The following GDF2 variants were observed in gnomAD, a reference collection of about 807,000 sequenced individuals.
The protein encoded by GDF2 is growth/differentiation factor 2.
In GDF2, 17 loss-of-function variants were observed where a neutral mutation model predicts 16.9. The observed-to-expected ratio is 1.00, with a 90% CI of 0.69 to 1.51. The LOEUF is 1.51. GDF2 is among the 40% of genes most tolerant of loss of function. The pLI is 0.00. For synonymous variants in GDF2, 276 were observed against 237.6 expected (o/e 1.16, Z -1.49); for missense variants, 523 against 556.3 (o/e 0.94, Z 0.60).
In GDF2 at chr10:47,322,619, A is replaced by T. The variant is rs1173110381; in HGVS notation, c.-50A>T. 2 of 1,364,394 alleles carry T rather than the reference A, an allele frequency of 1.5e-6. No homozygotes were observed. The highest frequency in any genetic ancestry group is 1.5e-5 in the South Asian group (1 of 65,264). 84.5% of individuals were successfully genotyped at this position (1,364,394 alleles called of 1,614,324 possible). On this transcript the variant is annotated 5_prime_UTR_variant, in exon 1 of 2. Coordinates refer to ENST00000581492, the MANE Select transcript of GDF2 (RefSeq NM_016204.4). The stretch of plus-strand genomic sequence containing the variant: ...CCAGCTCCTCCCCGTGCCCGCTAAC[A>T]CAGCACGGCCGCCTGCAGTCTCCTC...
At chr10:47,323,658 A>G (rs1428389486) in intron 1 of GDF2, among the ~76,000 whole-genome samples, 4 of 152,252 alleles carry the variant, frequency 2.6e-5, no homozygotes, top group African/African-American at 9.6e-5. Flanking sequence ...CCTATGTCCT[A>G]ACTCAGACAA....
Position 47,322,959 on chromosome 10 carries a change from G to A in GDF2, c.291G>A (p.Thr97=), listed in dbSNP as rs782438337. The change falls in exon 1 of 2, where the codon ACG becomes ACA. Residue 97 remains threonine (T), a synonymous_variant. Transcript: ENST00000581492. ...TGATTGACCTGTACAACAGGTACAC[G>A]TCCGATAAGTCGACTACGCCAGCGT... ...QYMIDLYNRY[T]SDKSTTPASN... 20 of 1,611,402 alleles carry A rather than the reference G, an allele frequency of 1.2e-5. No individual in the cohort carries two copies. The African/African-American group carries it at 1.3e-4, about 11-fold the overall frequency.
At position 47,326,008 on chromosome 10, in the gene GDF2, G is replaced by A. The variant is rs782028786; in HGVS notation, c.*224G>A. ...TTGAGCACAACAGGAAAGCCTGGGAGGGTTGTTGGGATGCAAGGAGGTGAT... is the reference window on the plus strand; with the variant it reads ...TTGAGCACAACAGGAAAGCCTGGGAAGGTTGTTGGGATGCAAGGAGGTGAT... On this transcript the variant is annotated 3_prime_UTR_variant, in exon 2 of 2. Coordinates refer to ENST00000581492, the MANE Select transcript of GDF2 (RefSeq NM_016204.4). 74 of 446,296 alleles carry A rather than the reference G, an allele frequency of 1.7e-4. 1 individual carries two copies. The highest frequency in any genetic ancestry group is 1.1e-3 in the Admixed American group (28 of 26,124). The allele number at this position is 446,296 out of a possible 1,614,324, so 27.6% of individuals were successfully genotyped here.
intron 1 of GDF2, among the ~76,000 whole-genome samples, chr10:47,324,380 A>G (rs2061095800): frequency 6.6e-6 from 1 of 152,208 alleles, no homozygotes; most frequent in South Asian, 2.1e-4. Flanking sequence ...TTCACTCAGG[A>G]TCTGACAGTG....
chr10:47,325,749 G>T lies in GDF2; in HGVS notation c.1255G>T (p.Glu419Ter). The change falls in exon 2 of 2, where the codon GAG becomes TAG. Residue 419 changes from glutamate (E) to a stop codon, truncating the protein, a stop_gained. Coordinates refer to ENST00000581492, the MANE Select transcript of GDF2 (RefSeq NM_016204.4). LOFTEE classifies it high-confidence loss of function. The part of the protein sequence containing the change: ...MGVPTLKYHY[E>*]GMSVAECGCR ...GGTGCCCACCCTCAAGTACCATTAC[G>T]AGGGCATGAGCGTGGCAGAGTGTGG... The T allele has an allele frequency of 6.4e-7, 1 of 1,561,846 alleles. No individual in the cohort carries two copies. The highest frequency in any genetic ancestry group is 8.7e-7 in the Non-Finnish European group (1 of 1,152,074).
Position 47,325,291 on chromosome 10 carries a change from A to G in GDF2, c.797A>G (p.Lys266Arg). 6.2e-7 allele frequency: 1 copy of G among 1,614,168 alleles called. No homozygotes were observed. Among genetic ancestry groups the G allele is most frequent in the Non-Finnish European group, 8.5e-7 (1 of 1,180,030 alleles). The change falls in exon 2 of 2, where the codon AAG becomes AGG. Residue 266 changes from lysine (K) to arginine (R), a missense_variant. Transcript: ENST00000581492. ...TCCAATGACCACAGCAGTGGGACCA[A>G]GGAGACCAGGCTGGAGCTGAGGGAG... Reference protein sequence around the residue: ...VFSNDHSSGTKETRLELREMI... With the variant: ...VFSNDHSSGTRETRLELREMI...
In GDF2 at chr10:47,325,105, C is replaced by T; in HGVS notation, c.611C>T (p.Thr204Ile). The change falls in exon 2 of 2, where the codon ACC becomes ATC. Residue 204 changes from threonine (T) to isoleucine (I), a missense_variant. Coordinates refer to ENST00000581492, the MANE Select transcript of GDF2 (RefSeq NM_016204.4). ...GACATTCAGGATGAGGGCTGGGAGA[C>T]CTTGGAAGTGTCCAGCGCCGTGAAG... The part of the protein sequence containing the change: ...SQDIQDEGWE[T>I]LEVSSAVKRW... 4 of 1,614,044 alleles carry T rather than the reference C, an allele frequency of 2.5e-6. No individual in the cohort carries two copies. Among genetic ancestry groups the T allele is most frequent in the Non-Finnish European group, 3.4e-6 (4 of 1,180,040 alleles).
Position 47,325,386 on chromosome 10 carries a change from A to G in GDF2, c.892A>G (p.Ser298Gly), listed in dbSNP as rs782494206. 6.2e-7 allele frequency: 1 copy of G among 1,614,096 alleles called. No homozygotes were observed. Among genetic ancestry groups the G allele is most frequent in the Non-Finnish European group, 8.5e-7 (1 of 1,180,044 alleles). Residue 298 changes from serine to glycine, a missense_variant, in exon 2 of 2, where the codon AGC becomes GGC. Transcript: ENST00000581492. The stretch of plus-strand genomic sequence containing the variant: ...GGACGGCTCCACAGAGGCAGGTGAG[A>G]GCAGTCACGAGGAGGACACGGATGG... The part of the protein sequence containing the change: ...SKDGSTEAGE[S>G]SHEEDTDGHV...
chr10:47,325,279 G>A lies in GDF2; in HGVS notation c.785G>A (p.Ser262Asn), dbSNP rs1555208983. 9.3e-6 allele frequency: 15 copies of A among 1,614,208 alleles called. No individual in the cohort carries two copies. The South Asian group carries it at 1.6e-4, about 18-fold the overall frequency. ...TTTGTTGTCTTCTCCAATGACCACAGCAGTGGGACCAAGGAGACCAGGCTG... is the reference window on the plus strand; with the variant it reads ...TTTGTTGTCTTCTCCAATGACCACAACAGTGGGACCAAGGAGACCAGGCTG... Reference protein sequence around the residue: ...PFFVVFSNDHSSGTKETRLEL... With the variant: ...PFFVVFSNDHNSGTKETRLEL... Residue 262 changes from serine to asparagine, a missense_variant, in exon 2 of 2, where the codon AGC (serine) becomes AAC (asparagine). Transcript: ENST00000581492.
Position 47,325,094 on chromosome 10 carries a change from G to A in GDF2, c.600G>A (p.Glu200=). The A allele has an allele frequency of 1.2e-6, 2 of 1,614,122 alleles. No individual in the cohort carries two copies. The highest frequency in any genetic ancestry group is 2.2e-5 in the South Asian group (2 of 91,084). The change falls in exon 2 of 2, where the codon GAG becomes GAA. Residue 200 remains glutamate (E), a synonymous_variant. Transcript: ENST00000581492. ...TGGTGTCCCAGGACATTCAGGATGA[G>A]GGCTGGGAGACCTTGGAAGTGTCCA... ...TFLVSQDIQD[E]GWETLEVSSA...
At position 47,327,048 on chromosome 10, in the gene GDF2, G is replaced by T. The variant is rs2061110975; in HGVS notation, c.*1264G>T. 6.6e-6 allele frequency among the ~76,000 whole-genome samples: 1 copy of T among 152,230 alleles called. No homozygotes were observed. Among genetic ancestry groups the T allele is most frequent in the Non-Finnish European group, 1.5e-5 (1 of 68,048 alleles). On this transcript the variant is annotated 3_prime_UTR_variant, in exon 2 of 2. Coordinates refer to ENST00000581492, the MANE Select transcript of GDF2 (RefSeq NM_016204.4). ...GCTATCACTGGCTCTGCCTGCATTT[G>T]CCGGCTCTCTTGAGTCACGTGCATC...
rs2061087340 is a variant in GDF2 at position 47,322,523 on chromosome 10, G to A, written c.-146G>A. Reference sequence around the variant, plus strand: ...GTGGAGGACAATCCAGCCCGGCAGCGGGTGAGAGTGGGTGCTGGCCAGGAC... The same window carrying A: ...GTGGAGGACAATCCAGCCCGGCAGCAGGTGAGAGTGGGTGCTGGCCAGGAC... On this transcript the variant is annotated 5_prime_UTR_variant, in exon 1 of 2. Coordinates refer to ENST00000581492, the MANE Select transcript of GDF2 (RefSeq NM_016204.4). 1 of 592,916 alleles carries A rather than the reference G, an allele frequency of 1.7e-6. No homozygotes were observed. The highest frequency in any genetic ancestry group is 2.8e-5 in the East Asian group (1 of 35,440). The allele number at this position is 592,916 out of a possible 1,614,324, so 36.7% of individuals were successfully genotyped here.
At position 47,325,688 on chromosome 10, in the gene GDF2, G is replaced by A. The variant is rs782049254; in HGVS notation, c.1194G>A (p.Leu398=). The A allele has an allele frequency of 3.1e-6, 5 of 1,608,106 alleles. No individual in the cohort carries two copies. Among genetic ancestry groups the A allele is most frequent in the South Asian group, 1.1e-5 (1 of 90,294 alleles). ...VGKACCVPTK[L]SPISVLYKDD... ...AGGCCTGCTGTGTGCCCACCAAACT[G>A]AGCCCCATCTCCGTCCTCTACAAGG... The change falls in exon 2 of 2, where the codon CTG becomes CTA. Residue 398 remains leucine, a synonymous_variant. Transcript: ENST00000581492.
chr10:47,322,807 G>A lies in GDF2; in HGVS notation c.139G>A (p.Gly47Arg). 1 of 1,613,860 alleles carries A rather than the reference G, an allele frequency of 6.2e-7. No individual in the cohort carries two copies. Among genetic ancestry groups the A allele is most frequent in the East Asian group, 2.2e-5 (1 of 44,856 alleles). ...CAGCCCACTGGGGGTGCCTGGAGGT[G>A]GGCTGCCTGAGCACACCTTCAACCT... ...AHSPLGVPGG[G>R]LPEHTFNLKM... The change falls in exon 1 of 2, where the codon GGG (glycine) becomes AGG (arginine). Residue 47 changes from glycine to arginine, a missense_variant. By Grantham distance (125) the Gly-to-Arg change is moderately radical. Coordinates refer to ENST00000581492, the MANE Select transcript of GDF2 (RefSeq NM_016204.4).
chr10:47,322,596 A>C lies in GDF2; in HGVS notation c.-73A>C. ...GGGAGATGCCGGCCCGCTCCTTCCCAGCTCCTCCCCGTGCCCGCTAACACA... is the reference window on the plus strand; with the variant it reads ...GGGAGATGCCGGCCCGCTCCTTCCCCGCTCCTCCCCGTGCCCGCTAACACA... On this transcript the variant is annotated 5_prime_UTR_variant, in exon 1 of 2. Transcript: ENST00000581492. 8.6e-7 allele frequency: 1 copy of C among 1,168,060 alleles called. No individual in the cohort carries two copies. The highest frequency in any genetic ancestry group is 1.2e-6 in the Non-Finnish European group (1 of 851,216). The allele number at this position is 1,168,060 out of a possible 1,614,324, so 72.4% of individuals were successfully genotyped here. A position where few individuals can be genotyped will look rare whatever the true frequency, so the allele number is the denominator to read the frequency against.
intron 1 of GDF2, among the ~76,000 whole-genome samples, chr10:47,323,578 A>G (rs1555208782): frequency 6.6e-6 from 1 of 152,250 alleles, no homozygotes; most frequent in Non-Finnish European, 1.5e-5. Context: ...TTGGCAGAGA[A>G]CCTAATTGTT....
rs370537005 is a variant in GDF2 at position 47,325,649 on chromosome 10, C to T, written c.1155C>T (p.Pro385=). The T allele has an allele frequency of 5.0e-6, 8 of 1,613,440 alleles. No individual in the cohort carries two copies. The highest frequency in any genetic ancestry group is 1.7e-5 in the Admixed American group (1 of 59,994). The change falls in exon 2 of 2, where the codon CCC becomes CCT. Residue 385 remains proline (P), a synonymous_variant. Transcript: ENST00000581492. ...IVQTLVHLKF[P]TKVGKACCVP... is the part of the protein sequence containing the mutation. The stretch of plus-strand genomic sequence containing the variant: ...AGACCCTGGTGCATCTCAAGTTCCC[C>T]ACAAAGGTGGGCAAGGCCTGCTGTG...
Position 47,327,312 on chromosome 10 carries a change from G to T in GDF2, c.*1528G>T, listed in dbSNP as rs1285276702. On this transcript the variant is annotated 3_prime_UTR_variant, in exon 2 of 2. Coordinates refer to ENST00000581492, the MANE Select transcript of GDF2 (RefSeq NM_016204.4). The stretch of plus-strand genomic sequence containing the variant: ...AGAGAGGCCAGGGCCTCTCCCCGTG[G>T]TTGAAGCTCCCATTTATTTAAGAAA... Among the ~76,000 whole-genome samples, 3 of 152,162 alleles carry T rather than the reference G, an allele frequency of 2.0e-5. No individual in the cohort carries two copies. The highest frequency in any genetic ancestry group is 1.9e-4 in the East Asian group (1 of 5,180).
Position 47,322,517 on chromosome 10 carries a change from G to A in GDF2, c.-152G>A, listed in dbSNP as rs559658130. ...GCACAAGTGGAGGACAATCCAGCCC[G>A]GCAGCGGGTGAGAGTGGGTGCTGGC... On this transcript the variant is annotated 5_prime_UTR_variant, in exon 1 of 2. Transcript: ENST00000581492. 22 of 584,278 alleles carry A rather than the reference G, an allele frequency of 3.8e-5. No homozygotes were observed. In the South Asian group the frequency reaches 4.8e-4, roughly 13 times the overall value. The allele number at this position is 584,278 out of a possible 1,614,324, so 36.2% of individuals were successfully genotyped here.
Sources: gnomAD v4.1 joint callset for allele counts (sites outside exome capture counted in the v4.1 genomes callset) on GRCh38, gnomAD v4.1.1 for gene constraint, MANE v1.5 for transcripts, NCBI Gene and HGNC (gene_info 2026-07-23, HGNC 2026-07-21) for gene names.